Variants in RFX3 observed in about 807,000 individuals in gnomAD.
RFX3 encodes regulatory factor X3, also known as transcription factor RFX3.
Under a neutral mutation model 98.6 loss-of-function variants are expected in RFX3, and 14 were observed. That is an observed-to-expected ratio of 0.14 (90% CI 0.09 to 0.22). The LOEUF (loss-of-function observed/expected upper bound fraction) is 0.22. RFX3 is among the 10% of genes least tolerant of loss of function. The pLI, the probability that RFX3 is intolerant of heterozygous loss-of-function variation, is 1.00. For missense variants in RFX3, 639 were observed against 926.9 expected (o/e 0.69, Z 4.03); for synonymous variants, 383 against 328.4 (o/e 1.17, Z -1.80).
intron 1 of RFX3, among the ~76,000 whole-genome samples, chr9:3,414,526 T>A (rs531275530): frequency 2.1e-4 from 31 of 148,138 alleles, no homozygotes; most frequent in Admixed American, 1.6e-3. Flanking sequence ...TATATATATG[T>A]GTGTGTGTGT....
chr9:3,356,344 C>T (rs1018495706), intron 2 of RFX3, among the ~76,000 whole-genome samples: 2 of 151,756 alleles, frequency 1.3e-5, no homozygotes, highest in Non-Finnish European at 2.9e-5. Flanking sequence ...CGTCACTATA[C>T]ATCTTTAAAA....
chr9:3,225,669 CA>C (rs561957459), intron 16 of RFX3, among the ~76,000 whole-genome samples: 8 of 150,790 alleles, frequency 5.3e-5, no homozygotes, highest in African/African-American at 1.5e-4. Flanking sequence ...AACGCAAACA[CA>C]AAAAAAGTGT....
At chr9:3,425,994 G>C (rs1053013459) in intron 1 of RFX3, among the ~76,000 whole-genome samples, 2 of 151,964 alleles carry the variant, frequency 1.3e-5, no homozygotes, top group African/African-American at 4.8e-5. Context: ...ATACACAGTA[G>C]AATTTATTAA....
intron 15 of RFX3, among the ~76,000 whole-genome samples, chr9:3,232,780 G>A (rs536273646): frequency 6.7e-6 from 1 of 148,198 alleles, no homozygotes; most frequent in African/African-American, 2.5e-5. Context: ...CTGAGAGAGA[G>A]AGAGAGAGAG....
At chr9:3,383,590 A>G (rs991672141) in intron 2 of RFX3, among the ~76,000 whole-genome samples, 1 of 152,174 alleles carries the variant, frequency 6.6e-6, no homozygotes, top group South Asian at 2.1e-4. Flanking sequence ...TTAAAATATT[A>G]GACTTAAGAC....
At chr9:3,493,263 C>A (rs758994207) in intron 1 of RFX3, among the ~76,000 whole-genome samples, 2 of 152,168 alleles carry the variant, frequency 1.3e-5, no homozygotes, top group Non-Finnish European at 2.9e-5. Context: ...GTACCATATG[C>A]TTCCTTTCAG....
intron 1 of RFX3, among the ~76,000 whole-genome samples, chr9:3,446,748 T>TTTACCA (rs1846090234): frequency 1.3e-5 from 2 of 152,084 alleles, no homozygotes; most frequent in Admixed American, 1.3e-4. Context: ...TAAATTGGAG[T>TTTACCA]AACGTATGGT....
chr9:3,415,374 C>T (rs1842897946), intron 1 of RFX3, among the ~76,000 whole-genome samples: 1 of 151,650 alleles, frequency 6.6e-6, no homozygotes, highest in Non-Finnish European at 1.5e-5. Flanking sequence ...GCCACCCTGG[C>T]TAGCCAACCA....
At chr9:3,471,921 T>A (rs1013948982) in intron 1 of RFX3, among the ~76,000 whole-genome samples, 20 of 152,214 alleles carry the variant, frequency 1.3e-4, no homozygotes, top group Admixed American at 3.3e-4. Context: ...CTTCATTAGG[T>A]CCTAATCTAA....
intron 1 of RFX3, chr9:3,452,316 C>T: frequency 3.9e-6 from 1 of 254,042 alleles, no homozygotes; most frequent in Non-Finnish European, 8.4e-6. Context: ...AATGGCCAGG[C>T]ACATTGGCTC....
chr9:3,488,425 A>G (rs957605520), intron 1 of RFX3, among the ~76,000 whole-genome samples: 1 of 152,318 alleles, frequency 6.6e-6, no homozygotes, highest in South Asian at 2.1e-4. Context: ...ATCAATGTCC[A>G]TAGTCAGATA....
At chr9:3,308,277 C>T (rs560376123) in intron 4 of RFX3, among the ~76,000 whole-genome samples, 2 of 152,206 alleles carry the variant, frequency 1.3e-5, no homozygotes, top group Admixed American at 1.3e-4. Flanking sequence ...TATGGCAACT[C>T]CTGTAAGATC....
At chr9:3,287,129 A>G (rs1440639224) in intron 7 of RFX3, among the ~76,000 whole-genome samples, 2 of 151,990 alleles carry the variant, frequency 1.3e-5, no homozygotes, top group East Asian at 3.9e-4. Flanking sequence ...GCAGGGCTTA[A>G]CATCAGTATT....
chr9:3,266,127 C>A, intron 12 of RFX3, 81 bp downstream of exon 12: 3 of 732,500 alleles, frequency 4.1e-6, no homozygotes, highest in South Asian at 2.1e-5. Context: ...TACATAATAC[C>A]ATTTGATAGG....
intron 1 of RFX3, among the ~76,000 whole-genome samples, chr9:3,418,738 C>T (rs1213875213): frequency 6.6e-6 from 1 of 152,116 alleles, no homozygotes; most frequent in African/African-American, 2.4e-5. Context: ...TAGGTAACAT[C>T]AATTAAAATA....
intron 1 of RFX3, among the ~76,000 whole-genome samples, chr9:3,482,420 T>C (rs1225929507): frequency 6.6e-6 from 1 of 152,146 alleles, no homozygotes; most frequent in Non-Finnish European, 1.5e-5. Flanking sequence ...CACAAGAACA[T>C]ACATATTTTT....
At chr9:3,318,523 ATAAT>A (rs899531559) in intron 4 of RFX3, among the ~76,000 whole-genome samples, 9 of 151,102 alleles carry the variant, frequency 6.0e-5, no homozygotes, top group African/African-American at 2.2e-4. Context: ...AAGTAAAATA[ATAAT>A]TAAAAAATTA....
chr9:3,274,073 T>C (rs1369485229), intron 9 of RFX3, among the ~76,000 whole-genome samples: 1 of 152,048 alleles, frequency 6.6e-6, no homozygotes, highest in Non-Finnish European at 1.5e-5. Context: ...CAAAGGAAAA[T>C]GAATATTAAG....
intron 1 of RFX3, among the ~76,000 whole-genome samples, chr9:3,424,441 A>C (rs2132415860): frequency 7.5e-6 from 1 of 132,556 alleles, no homozygotes; most frequent in East Asian, 2.3e-4. Flanking sequence ...GACTCACTGC[A>C]AGCTCCGCCT....
Sources: gnomAD v4.1 joint callset for allele counts (sites outside exome capture counted in the v4.1 genomes callset) on GRCh38, gnomAD v4.1.1 for gene constraint, MANE v1.5 for transcripts, NCBI Gene and HGNC (gene_info 2026-07-23, HGNC 2026-07-21) for gene names.